SLC25A48: variants seen among roughly 807,000 people sequenced by gnomAD.
SLC25A48 encodes the protein solute carrier family 25 member 48, also known as CTC-321K16.1.
Under a neutral mutation model 32.2 loss-of-function variants are expected in SLC25A48, and 29 were observed. The ratio of observed to expected loss-of-function variants is 0.90; its 90% CI spans 0.67 to 1.23. SLC25A48 has a LOEUF of 1.23. Among genes scored for constraint, SLC25A48 ranks in the 50% most tolerant of loss-of-function variants. The pLI is 0.00. For missense variants in SLC25A48, 399 were observed against 422.7 expected (o/e 0.94, Z 0.49); for synonymous variants, 164 against 172.3 (o/e 0.95, Z 0.38).
At chr5:135,852,464 A>T (rs1759950219) in intron 3 of SLC25A48, 99 bp from the exon 4 acceptor site, 1 of 1,408,422 alleles carries the variant, frequency 7.1e-7, no homozygotes, top group Non-Finnish European at 9.7e-7. Flanking sequence ...CTTCATGGAC[A>T]CATGGGCAGA....
At chr5:135,855,732 G>T (rs150558082) in intron 4 of SLC25A48, among the ~76,000 whole-genome samples, 1 of 152,234 alleles carries the variant, frequency 6.6e-6, no homozygotes, top group Non-Finnish European at 1.5e-5. Context: ...GCTAGCCCCA[G>T]CTGAGCTGGG....
chr5:135,840,925 T>C (rs1013719445), intron 1 of SLC25A48, among the ~76,000 whole-genome samples: 1 of 152,174 alleles, frequency 6.6e-6, no homozygotes, highest in Non-Finnish European at 1.5e-5. Context: ...TGTTATTGGG[T>C]ATATATGTAG....
At chr5:135,611,260 A>G (rs772768697) in intron 1 of SLC25A48, among the ~76,000 whole-genome samples, 10 of 152,138 alleles carry the variant, frequency 6.6e-5, no homozygotes, top group African/African-American at 2.2e-4. Flanking sequence ...CTGTAATCCC[A>G]GCACTTCGGG....
At chr5:135,682,102 C>T (rs905127286) in intron 3 of SLC25A48, among the ~76,000 whole-genome samples, 1 of 152,182 alleles carries the variant, frequency 6.6e-6, no homozygotes, top group Non-Finnish European at 1.5e-5. Context: ...GCCTTTGCCT[C>T]CCAAAATTCT....
chr5:135,878,488 C>T (rs1420963376), intron 6 of SLC25A48, among the ~76,000 whole-genome samples: 1 of 152,292 alleles, frequency 6.6e-6, no homozygotes, highest in South Asian at 2.1e-4. Context: ...CTGAACAGCT[C>T]GAGGGCTTGG....
intron 1 of SLC25A48, among the ~76,000 whole-genome samples, chr5:135,589,020 C>T (rs1378096978): frequency 1.3e-5 from 2 of 152,178 alleles, no homozygotes; most frequent in Admixed American, 1.3e-4. Context: ...GAAAAAGGGG[C>T]ACATGGAACT....
chr5:135,653,251 G>C (rs1428068758), intron 3 of SLC25A48, among the ~76,000 whole-genome samples: 1 of 152,178 alleles, frequency 6.6e-6, no homozygotes, highest in Non-Finnish European at 1.5e-5. Context: ...TCAAAAGGCA[G>C]AATAAGAAGT....
intron 3 of SLC25A48, among the ~76,000 whole-genome samples, chr5:135,719,825 G>A (rs1355096752): frequency 6.6e-6 from 1 of 152,110 alleles, no homozygotes. Flanking sequence ...CCTGGAGGTG[G>A]CACCAACCAC....
chr5:135,599,699 C>T (rs1389706560), intron 1 of SLC25A48, among the ~76,000 whole-genome samples: 2 of 152,216 alleles, frequency 1.3e-5, no homozygotes, highest in East Asian at 3.8e-4. Context: ...GCTTGTTCTT[C>T]CTTCCTCCCT....
chr5:135,816,131 G>T (rs907828352), intron 4 of SLC25A48, among the ~76,000 whole-genome samples: 1 of 152,102 alleles, frequency 6.6e-6, no homozygotes, highest in Non-Finnish European at 1.5e-5. Context: ...ATCAGATCTC[G>T]TAAGAACTCC....
chr5:135,815,330 G>T (rs1757687899), intron 4 of SLC25A48, among the ~76,000 whole-genome samples: 2 of 152,220 alleles, frequency 1.3e-5, no homozygotes, highest in Admixed American at 1.3e-4. Flanking sequence ...CAGGGTTTGT[G>T]CTCCTATGAG....
intron 4 of SLC25A48, among the ~76,000 whole-genome samples, chr5:135,854,141 CTTG>C (rs1284540593): frequency 1.3e-5 from 2 of 152,180 alleles, no homozygotes; most frequent in Non-Finnish European, 2.9e-5. Context: ...TCATCCAGGC[CTTG>C]TTGTTCCTTT....
At chr5:135,788,219 C>G (rs72667122) in intron 3 of SLC25A48, among the ~76,000 whole-genome samples, 37,884 of 150,656 alleles carry the variant, frequency 0.25, 4,969 homozygotes, top group East Asian at 0.43. Context: ...CACCTCCCCG[C>G]TGTATGGTCA....
chr5:135,602,087 G>A (rs1751810212), intron 1 of SLC25A48, among the ~76,000 whole-genome samples: 1 of 152,112 alleles, frequency 6.6e-6, no homozygotes, highest in Non-Finnish European at 1.5e-5. Context: ...TTAATTTTTT[G>A]TAAATAATGT....
chr5:135,703,429 G>C (rs577663858), intron 3 of SLC25A48, among the ~76,000 whole-genome samples: 39 of 152,180 alleles, frequency 2.6e-4, no homozygotes, highest in Admixed American at 1.8e-3. Flanking sequence ...CAGATACCAA[G>C]GCCATACACT....
Position 135,668,716 on chromosome 5 carries a change from C to T in SLC25A48, c.-521+33760C>T, listed in dbSNP as rs74460920. 8.9e-3 allele frequency among the ~76,000 whole-genome samples: 1,349 copies of T among 152,260 alleles called. 22 individuals are homozygous for T. The highest frequency in any genetic ancestry group is 0.03 in the African/African-American group (1,265 of 41,538). ...CTATGGACTTGCACAAAGCAGCAAA[C>T]AGGGGATGAAGAATTAAAAGAGGGA... On this transcript the variant is annotated intron_variant, in intron 3 of 10. Coordinates refer to the SLC25A48 transcript ENST00000646290.
chr5:135,805,551 G>C (rs764891457), intron 3 of SLC25A48, among the ~76,000 whole-genome samples: 2 of 151,378 alleles, frequency 1.3e-5, no homozygotes, highest in Admixed American at 6.6e-5. Context: ...TGTGATATTA[G>C]TTATAACATC....
intron 1 of SLC25A48, among the ~76,000 whole-genome samples, chr5:135,841,316 G>C (rs1050570253): frequency 1.3e-5 from 2 of 152,134 alleles, no homozygotes; most frequent in African/African-American, 4.8e-5. Context: ...TATCAAATAC[G>C]TGATTTCCAC....
intron 4 of SLC25A48, chr5:135,824,905 C>T (rs1005662707): frequency 6.6e-6 from 1 of 152,254 alleles, no homozygotes; most frequent in Non-Finnish European, 1.5e-5. Context: ...CAGACTCTAA[C>T]AGGCCCCTGG....
Sources: gnomAD v4.1 joint callset for allele counts (sites outside exome capture counted in the v4.1 genomes callset) on GRCh38, gnomAD v4.1.1 for gene constraint, MANE v1.5 for transcripts, NCBI Gene and HGNC (gene_info 2026-07-23, HGNC 2026-07-21) for gene names.